The following VWA3A variants were observed in gnomAD, a reference collection of about 807,000 sequenced individuals.
VWA3A encodes the protein von Willebrand factor A domain-containing protein 3A.
In VWA3A, 134 loss-of-function variants were observed where a neutral mutation model predicts 160.4. The ratio of observed to expected loss-of-function variants is 0.84; its 90% CI spans 0.73 to 0.96. The LOEUF (loss-of-function observed/expected upper bound fraction) is 0.96. Among genes scored for constraint, VWA3A ranks in the 40% least tolerant of loss-of-function variants. The pLI is 0.00. For synonymous variants in VWA3A, 476 were observed against 543.4 expected (o/e 0.88, Z 1.72); for missense variants, 1,310 against 1,447.9 (o/e 0.90, Z 1.55).
Position 22,155,668 on chromosome 16 carries a change from T to C in VWA3A, c.3503+4T>C, listed in dbSNP as rs758102479. 4 of 1,613,850 alleles carry C rather than the reference T, an allele frequency of 2.5e-6. No homozygotes were observed. The South Asian group carries it at 4.4e-5, about 18-fold the overall frequency. ...TCTGGCAGGCCCAATCCTTCAGGTA[T>C]GCCCTTCACGCAGCCTCTCCGGCCT... On this transcript the variant is annotated splice_donor_region_variant and intron_variant, in intron 32 of 33. Transcript: ENST00000389398.
intron 14 of VWA3A, among the ~76,000 whole-genome samples, chr16:22,122,123 G>A (rs150524868): frequency 7.4e-6 from 1 of 134,796 alleles, no homozygotes; most frequent in African/African-American, 2.6e-5. Flanking sequence ...AAAGAATGAT[G>A]GATGGATGGA....
chr16:22,102,771 G>A (rs1167238016), intron 5 of VWA3A, among the ~76,000 whole-genome samples: 2 of 152,172 alleles, frequency 1.3e-5, no homozygotes, highest in Non-Finnish European at 2.9e-5. Flanking sequence ...TTGAGCAAGT[G>A]CAAGGGTGGT....
chr16:22,123,092 T>A lies in VWA3A; in HGVS notation c.1364T>A (p.Met455Lys). 1.9e-6 allele frequency: 3 copies of A among 1,601,918 alleles called. No individual in the cohort carries two copies. Among genetic ancestry groups the A allele is most frequent in the Non-Finnish European group, 2.6e-6 (3 of 1,173,990 alleles). ...GCCCATGCCTGAGTATAGAAGGCAA[T>A]GATACAATTTGAATGGCACGACGGG... ...TVSSTIHEKAMIQFEWHDGTV... is the reference protein window; with the variant it reads ...TVSSTIHEKAKIQFEWHDGTV... The change falls in exon 15 of 34, where the codon ATG becomes AAG. Residue 455 changes from methionine to lysine, a missense_variant. By Grantham distance (95) the Met-to-Lys change is moderately conservative. Coordinates refer to ENST00000389398, the MANE Select transcript of VWA3A (RefSeq NM_173615.5).
rs1482040431 is a variant in VWA3A, at chr16:22,097,439, A to C, written c.102-133A>C. 9 of 1,174,486 alleles carry C rather than the reference A, an allele frequency of 7.7e-6. No homozygotes were observed. In the Admixed American group the frequency reaches 2.3e-4, roughly 30 times the overall value. 72.8% of individuals were successfully genotyped at this position (1,174,486 alleles called of 1,614,324 possible). ...CACATTTTATCAGGACTCTGCAGGAATCCTTCTCAGTTACTGCACAGAAAA... is the reference window on the plus strand; with the variant it reads ...CACATTTTATCAGGACTCTGCAGGACTCCTTCTCAGTTACTGCACAGAAAA... On this transcript the variant is annotated intron_variant, in intron 2 of 33. Transcript: ENST00000389398.
intron 5 of VWA3A, among the ~76,000 whole-genome samples, chr16:22,101,144 C>A (rs968976837): frequency 6.6e-6 from 1 of 151,952 alleles, no homozygotes; most frequent in Non-Finnish European, 1.5e-5. Context: ...ATAATCCTAG[C>A]GCTTTGAGAG....
chr16:22,141,998 A>G (rs2046159802), intron 24 of VWA3A, among the ~76,000 whole-genome samples: 1 of 152,174 alleles, frequency 6.6e-6, no homozygotes, highest in Non-Finnish European at 1.5e-5. Context: ...AGGGATGGAG[A>G]TGATTCCCCT....
intron 5 of VWA3A, among the ~76,000 whole-genome samples, chr16:22,101,890 A>G (rs2045413095): frequency 6.6e-6 from 1 of 152,206 alleles, no homozygotes; most frequent in Non-Finnish European, 1.5e-5. Context: ...TTTTCAGAGG[A>G]CTGGCTTTCA....
chr16:22,150,809 G>A lies in VWA3A; in HGVS notation c.3244G>A (p.Val1082Met). The change falls in exon 30 of 34, where the codon GTG (valine) becomes ATG (methionine). Residue 1082 changes from valine to methionine, a missense_variant. Coordinates refer to ENST00000389398, the MANE Select transcript of VWA3A (RefSeq NM_173615.5). ...CCAAAAACTCAGGGAGAAAAGAGATGTGAAAGTGCACACCATTTCCTTGAA... is the reference window on the plus strand; with the variant it reads ...CCAAAAACTCAGGGAGAAAAGAGATATGAAAGTGCACACCATTTCCTTGAA... ...EVQKLREKRD[V>M]KVHTISLNCS... 3 of 1,613,602 alleles carry A rather than the reference G, an allele frequency of 1.9e-6. No individual in the cohort carries two copies. Among genetic ancestry groups the A allele is most frequent in the East Asian group, 2.2e-5 (1 of 44,880 alleles).
chr16:22,102,013 C>A (rs1224125843), intron 5 of VWA3A, among the ~76,000 whole-genome samples: 1 of 152,156 alleles, frequency 6.6e-6, no homozygotes, highest in Non-Finnish European at 1.5e-5. Flanking sequence ...GGTCACACAG[C>A]TAGTAGATGG....
chr16:22,110,691 T>C (rs1320945824), intron 7 of VWA3A, among the ~76,000 whole-genome samples, 197 bp from the exon 8 acceptor site: 1 of 152,198 alleles, frequency 6.6e-6, no homozygotes, highest in Non-Finnish European at 1.5e-5. Context: ...GCAGCCCAGA[T>C]GCTCATCCCA....
chr16:22,149,057 G>C (rs1421086882), intron 28 of VWA3A, among the ~76,000 whole-genome samples: 2 of 152,114 alleles, frequency 1.3e-5, no homozygotes, highest in African/African-American at 4.8e-5. Context: ...CATTTATTGA[G>C]CACTTTCTGT....
Position 22,100,418 on chromosome 16 carries a change from A to G in VWA3A, c.353A>G (p.Glu118Gly). 6.4e-7 allele frequency: 1 copy of G among 1,551,624 alleles called. No individual in the cohort carries two copies. The highest frequency in any genetic ancestry group is 8.7e-7 in the Non-Finnish European group (1 of 1,146,984). The change falls in exon 5 of 34, where the codon GAG (glutamate) becomes GGG (glycine). Residue 118 changes from glutamate (E) to glycine (G), a missense_variant and splice_region_variant. Transcript: ENST00000389398. ...CTCATAAGGCTTTGCTTCTTCAGGG[A>G]GGAGGGCACCAATGTCGTGCAGAAA... is the stretch of plus-strand genomic sequence containing the variant. ...DLISQGTEVL[E>G]EGTNVVQKIC... is the part of the protein sequence containing the mutation.
intron 8 of VWA3A, among the ~76,000 whole-genome samples, chr16:22,112,718 G>T (rs886593011): frequency 2.0e-5 from 3 of 151,714 alleles, no homozygotes; most frequent in Non-Finnish European, 2.9e-5. Flanking sequence ...GAGAGACCCT[G>T]TCTCCAAAAG....
At chr16:22,121,661 TC>T (rs765239388) in intron 14 of VWA3A, 44 bp downstream of exon 14, 21 of 1,463,282 alleles carry the variant, frequency 1.4e-5, no homozygotes, top group Middle Eastern at 3.5e-4. Context: ...ACAGGAGAGC[TC>T]CCTTGTGGCT....
chr16:22,136,879 A>ACACACACACACACACG lies in VWA3A; in HGVS notation c.2140-1465_2140-1450dup, dbSNP rs1185451528. On this transcript the variant is annotated intron_variant, in intron 21 of 33. Coordinates refer to ENST00000389398, the MANE Select transcript of VWA3A (RefSeq NM_173615.5). ...AACCCCGTCTCTACTAAAAATACACACACACACACACACACGCACACACAC... is the reference window on the plus strand; with the variant it reads ...AACCCCGTCTCTACTAAAAATACACACACACACACACACACGCACACACACACACACGCACACACAC... Among the ~76,000 whole-genome samples, 5 of 113,914 alleles carry ACACACACACACACACG rather than the reference A, an allele frequency of 4.4e-5. No homozygotes were observed. The South Asian group carries it at 9.9e-4, about 23-fold the overall frequency. The allele number at this position is 113,914 out of a possible 152,430, so 74.7% of individuals were successfully genotyped here. A position where few individuals can be genotyped will look rare whatever the true frequency, so the allele number is the denominator to read the frequency against.
intron 5 of VWA3A, among the ~76,000 whole-genome samples, chr16:22,102,048 A>G (rs1448222333): frequency 1.3e-5 from 2 of 152,176 alleles, no homozygotes; most frequent in Non-Finnish European, 2.9e-5. Flanking sequence ...AAACACAAAC[A>G]TATTTTATTA....
intron 21 of VWA3A, among the ~76,000 whole-genome samples, chr16:22,137,095 A>G (rs1474713783): frequency 1.0e-4 from 15 of 147,578 alleles, no homozygotes; most frequent in African/African-American, 2.4e-4. Flanking sequence ...AAATAAATAA[A>G]TAAATAAGTA....
In VWA3A at chr16:22,148,013, C is replaced by T. The variant is rs1000599380; in HGVS notation, c.2840-149C>T. On this transcript the variant is annotated intron_variant, in intron 27 of 33. Coordinates refer to ENST00000389398, the MANE Select transcript of VWA3A (RefSeq NM_173615.5). ...ACCCCTCCCACAGCACCACAAAAGC[C>T]GTCTCTCAGTGGGGTGACATCCAAT... The T allele has an allele frequency of 3.2e-5, 33 of 1,032,556 alleles. No individual in the cohort carries two copies. In the East Asian group the frequency reaches 4.0e-4, roughly 12 times the overall value. 64.0% of individuals were successfully genotyped at this position (1,032,556 alleles called of 1,614,324 possible). A position where few individuals can be genotyped will look rare whatever the true frequency, so the allele number is the denominator to read the frequency against.
chr16:22,115,943 A>AAG, intron 9 of VWA3A, among the ~76,000 whole-genome samples: 1 of 27,884 alleles, frequency 3.6e-5, no homozygotes, highest in Non-Finnish European at 5.5e-5. Flanking sequence ...AAAGGAAGGG[A>AAG]GGAGGGGGTG....
Sources: allele counts gnomAD v4.1 joint callset (sites outside exome capture counted in the v4.1 genomes callset), GRCh38; gene constraint gnomAD v4.1.1; transcripts MANE v1.5; gene names NCBI Gene and HGNC (gene_info 2026-07-23, HGNC 2026-07-21).